The following CD2AP variants were observed in gnomAD, a reference collection of about 807,000 sequenced individuals.
CD2AP encodes the protein CD2 associated protein.
In CD2AP, 46 loss-of-function variants were observed where a neutral mutation model predicts 85.1. The ratio of observed to expected loss-of-function variants is 0.54; its 90% CI spans 0.43 to 0.69. The LOEUF (loss-of-function observed/expected upper bound fraction) is 0.69, where lower values mean the gene tolerates loss of function less well. Ranked by LOEUF, CD2AP falls within the 30% of genes least tolerant of loss-of-function variation. CD2AP has a pLI of 0.00. For synonymous variants in CD2AP, 255 were observed against 252.9 expected, an observed-to-expected ratio of 1.01 and a Z score of -0.08; for missense variants, 769 against 729.5, an observed-to-expected ratio of 1.05 and a Z score of -0.62.
intron 5 of CD2AP, among the ~76,000 whole-genome samples, chr6:47,566,301 A>AATATATATATATATATATATATAT (rs71831752): frequency 2.9e-4 from 32 of 110,120 alleles, no homozygotes; most frequent in South Asian, 7.2e-4. Flanking sequence ...TGCTCATTAG[A>AATATATATATATATATATATATAT]ATATATATAT....
intron 1 of CD2AP, among the ~76,000 whole-genome samples, chr6:47,495,323 A>G (rs1196073461): frequency 6.6e-6 from 1 of 152,158 alleles, no homozygotes; most frequent in East Asian, 1.9e-4. Flanking sequence ...AGATGGAGGT[A>G]GAGGTTGGAG....
intron 1 of CD2AP, among the ~76,000 whole-genome samples, chr6:47,494,879 T>C (rs2184398): frequency 0.87 from 133,186 of 152,238 alleles, 58,573 homozygotes; most frequent in Non-Finnish European, 0.92. Flanking sequence ...AATAGTTGGC[T>C]GGGCATGGTG....
chr6:47,505,648 A>C, intron 2 of CD2AP, among the ~76,000 whole-genome samples: 1 of 107,974 alleles, frequency 9.3e-6, no homozygotes, highest in South Asian at 3.6e-4. Context: ...TCCCTCCCGG[A>C]CGGGGCGGCT....
At chr6:47,538,233 TA>T (rs1372350734) in intron 3 of CD2AP, among the ~76,000 whole-genome samples, 3 of 152,158 alleles carry the variant, frequency 2.0e-5, no homozygotes, top group African/African-American at 4.8e-5. Flanking sequence ...AATTGATTTT[TA>T]TTTTATTTTA....
intron 3 of CD2AP, among the ~76,000 whole-genome samples, chr6:47,542,856 GA>G (rs1767253067): frequency 6.6e-6 from 1 of 152,038 alleles, no homozygotes; most frequent in African/African-American, 2.4e-5. Flanking sequence ...ATTTAATTTA[GA>G]AAGCTATTTG....
intron 2 of CD2AP, among the ~76,000 whole-genome samples, chr6:47,515,993 G>A (rs1385955848): frequency 6.6e-6 from 1 of 152,164 alleles, no homozygotes; most frequent in Non-Finnish European, 1.5e-5. Context: ...GGCTTGAAAT[G>A]CATAGGTTTC....
chr6:47,529,996 C>A (rs190594966), intron 2 of CD2AP, among the ~76,000 whole-genome samples: 2 of 152,298 alleles, frequency 1.3e-5, no homozygotes, highest in African/African-American at 4.8e-5. Context: ...ATATGCTATG[C>A]TTTCCTGTTA....
At chr6:47,586,472 A>G (rs1768634093) in intron 11 of CD2AP, among the ~76,000 whole-genome samples, 1 of 152,212 alleles carries the variant, frequency 6.6e-6, no homozygotes, top group Non-Finnish European at 1.5e-5. Context: ...GAATGGGGAC[A>G]TGAAAAAACT....
At chr6:47,482,144 TCAATTAAACTACAGAG>T (rs1212410521) in intron 1 of CD2AP, among the ~76,000 whole-genome samples, 7 of 152,248 alleles carry the variant, frequency 4.6e-5, no homozygotes, top group African/African-American at 1.7e-4. Context: ...AGGATTTACT[TCAATTAAACTACAGAG>T]CATGAAAAAA....
At chr6:47,509,345 A>G (rs1766257567) in intron 2 of CD2AP, among the ~76,000 whole-genome samples, 1 of 152,178 alleles carries the variant, frequency 6.6e-6, no homozygotes, top group Non-Finnish European at 1.5e-5. Context: ...AATGACAAAA[A>G]TGTAATACAG....
chr6:47,529,930 A>G (rs1436897939), intron 2 of CD2AP, among the ~76,000 whole-genome samples: 1 of 152,104 alleles, frequency 6.6e-6, no homozygotes, highest in Non-Finnish European at 1.5e-5. Flanking sequence ...AGGCAAATTT[A>G]GTGTTGTCTT....
At chr6:47,574,632 A>G (rs1408972098) in intron 6 of CD2AP, among the ~76,000 whole-genome samples, 1 of 150,280 alleles carries the variant, frequency 6.7e-6, no homozygotes, top group Non-Finnish European at 1.5e-5. Flanking sequence ...CCTAAAATGG[A>G]CTGTTTTTAA....
intron 5 of CD2AP, among the ~76,000 whole-genome samples, chr6:47,566,323 T>TATATATATATATATATATATACAC: frequency 9.2e-6 from 1 of 108,386 alleles, no homozygotes; most frequent in African/African-American, 2.9e-5. Flanking sequence ...TATATATATA[T>TATATATATATATATATATATACAC]ACACATACAC....
chr6:47,505,011 C>CTTTTTTTTTTTTTTTTT (rs58060161), intron 2 of CD2AP, among the ~76,000 whole-genome samples: 32 of 95,132 alleles, frequency 3.4e-4, no homozygotes, highest in African/African-American at 5.9e-4. Context: ...GTGGCAGTTT[C>CTTTTTTTTTTTTTTTTT]TTTTTTTTTT....
chr6:47,491,794 A>G (rs1032626157), intron 1 of CD2AP, among the ~76,000 whole-genome samples: 3 of 152,158 alleles, frequency 2.0e-5, no homozygotes, highest in African/African-American at 2.4e-5. Context: ...ATCTTCAGAT[A>G]TCCTTTTTGT....
At chr6:47,607,417 C>T (rs1038753721) in intron 14 of CD2AP, among the ~76,000 whole-genome samples, 8 of 152,176 alleles carry the variant, frequency 5.3e-5, no homozygotes, top group Admixed American at 2.0e-4. Flanking sequence ...TACATTCCCC[C>T]CAACAGTGTA....
At chr6:47,584,034 A>G (rs1233770201) in intron 11 of CD2AP, among the ~76,000 whole-genome samples, 1 of 152,196 alleles carries the variant, frequency 6.6e-6, no homozygotes, top group East Asian at 1.9e-4. Flanking sequence ...ATCTTCTCAT[A>G]TGCTTAATTG....
intron 2 of CD2AP, among the ~76,000 whole-genome samples, chr6:47,522,321 A>G (rs1766619275): frequency 1.3e-5 from 2 of 152,194 alleles, no homozygotes; most frequent in African/African-American, 4.8e-5. Context: ...TTAGCAGGAC[A>G]GTATTTGTTG....
At chr6:47,495,726 G>A (rs1562002832) in intron 1 of CD2AP, among the ~76,000 whole-genome samples, 1 of 152,144 alleles carries the variant, frequency 6.6e-6, no homozygotes, top group Admixed American at 6.6e-5. Context: ...TTCTTGTAAG[G>A]GTGGGAGTGA....
Sources: gnomAD v4.1 joint callset for allele counts (sites outside exome capture counted in the v4.1 genomes callset) on GRCh38, gnomAD v4.1.1 for gene constraint, MANE v1.5 for transcripts, NCBI Gene and HGNC (gene_info 2026-07-23, HGNC 2026-07-21) for gene names.